The following PALLD variants were observed in gnomAD, a reference collection of about 807,000 sequenced individuals.
The protein encoded by PALLD is palladin, cytoskeletal associated protein.
A neutral mutation model predicts 123.5 loss-of-function variants in PALLD; 61 were observed. The ratio of observed to expected loss-of-function variants is 0.49; its 90% CI spans 0.40 to 0.61. The LOEUF is 0.61. PALLD is among the 20% of genes least tolerant of loss of function. PALLD has a pLI of 0.00. For missense variants in PALLD, 1,273 were observed against 1,377.0 expected (o/e 0.92, Z 1.20); for synonymous variants, 465 against 496.4 (o/e 0.94, Z 0.84).
intron 16 of PALLD, among the ~76,000 whole-genome samples, chr4:168,915,251 C>T (rs1213237698): frequency 6.6e-6 from 1 of 152,148 alleles, no homozygotes; most frequent in Admixed American, 6.5e-5. Flanking sequence ...TTGTATTCAA[C>T]ATCTTTTAAG....
intron 6 of PALLD, among the ~76,000 whole-genome samples, chr4:168,689,912 A>G (rs917848128): frequency 1.3e-5 from 2 of 152,236 alleles, no homozygotes; most frequent in Non-Finnish European, 2.9e-5. Flanking sequence ...CTTTGTATCT[A>G]TAAAACCAAA....
chr4:168,886,526 T>C (rs1753355172), intron 10 of PALLD, among the ~76,000 whole-genome samples: 1 of 152,098 alleles, frequency 6.6e-6, no homozygotes, highest in Non-Finnish European at 1.5e-5. Context: ...TTATGGTCCC[T>C]GCTACTTGGA....
At chr4:168,759,177 C>A (rs1234597578) in intron 10 of PALLD, among the ~76,000 whole-genome samples, 2 of 13,452 alleles carry the variant, frequency 1.5e-4, no homozygotes, top group South Asian at 3.7e-3. Context: ...GAGACTCCAT[C>A]TCAAAAAAAA....
chr4:168,927,542 T>C lies in PALLD; in HGVS notation c.*1362T>C. On this transcript the variant is annotated 3_prime_UTR_variant, in exon 22 of 22. Transcript: ENST00000505667. Reference sequence around the variant, plus strand: ...AAATTGCCTGTAGCATCTAGTCTACTTGAAGGAAGTGGAGACATAAGGAGA... The same window carrying C: ...AAATTGCCTGTAGCATCTAGTCTACCTGAAGGAAGTGGAGACATAAGGAGA... 4.3e-6 allele frequency: 1 copy of C among 231,112 alleles called. No homozygotes were observed. Among genetic ancestry groups the C allele is most frequent in the Non-Finnish European group, 8.6e-6 (1 of 116,638 alleles). The allele number at this position is 231,112 out of a possible 1,614,324, so 14.3% of individuals were successfully genotyped here.
intron 3 of PALLD, among the ~76,000 whole-genome samples, chr4:168,680,355 G>A (rs1269841568): frequency 6.6e-6 from 1 of 151,266 alleles, no homozygotes; most frequent in Non-Finnish European, 1.5e-5. Context: ...GGGCGAGGTG[G>A]CACATGCCTG....
intron 10 of PALLD, among the ~76,000 whole-genome samples, chr4:168,720,003 A>G (rs1785831774): frequency 6.6e-6 from 1 of 152,108 alleles, no homozygotes; most frequent in Admixed American, 6.5e-5. Context: ...GGTTGATTCC[A>G]TGTCTGTGCT....
intron 17 of PALLD, 87 bp downstream of exon 17, chr4:168,916,114 A>C: frequency 1.5e-6 from 2 of 1,306,946 alleles, no homozygotes; most frequent in Non-Finnish European, 2.2e-6. Flanking sequence ...GGGAAATTAC[A>C]TAAAGTATAA....
At position 168,925,055 on chromosome 4, in the gene PALLD, G is replaced by C. The variant is rs754236496; in HGVS notation, c.3335G>C (p.Cys1112Ser). 1.2e-6 allele frequency: 2 copies of C among 1,614,054 alleles called. No individual in the cohort carries two copies. The highest frequency in any genetic ancestry group is 1.7e-6 in the Non-Finnish European group (2 of 1,179,974). The change falls in exon 20 of 22, where the codon TGT (cysteine) becomes TCT (serine). Residue 1112 changes from cysteine to serine, a missense_variant. Cys to Ser is a moderately radical substitution (Grantham distance 112). This residue lies in a region of PALLD where 329 missense variants were observed against 422.5 expected (regional missense o/e 0.78). Coordinates refer to ENST00000505667, the MANE Select transcript of PALLD (RefSeq NM_001166108.2). ...AAGAATGAAGCAGGGATTGTGTCCT[G>C]TACTGCCAGGCTGGACGTTTACAGT... ...SAKNEAGIVS[C>S]TARLDVYISR...
At chr4:168,883,047 G>A (rs921695434) in intron 10 of PALLD, among the ~76,000 whole-genome samples, 5 of 148,282 alleles carry the variant, frequency 3.4e-5, no homozygotes, top group Non-Finnish European at 7.4e-5. Context: ...CTGAGATTGC[G>A]CCATTGCATT....
intron 10 of PALLD, among the ~76,000 whole-genome samples, chr4:168,878,832 C>A (rs927251042): frequency 6.6e-6 from 1 of 152,172 alleles, no homozygotes; most frequent in South Asian, 2.1e-4. Context: ...CCCAGGGTCA[C>A]ATAGCCACTA....
At chr4:168,651,593 C>G (rs558183565) in intron 2 of PALLD, among the ~76,000 whole-genome samples, 2 of 151,910 alleles carry the variant, frequency 1.3e-5, no homozygotes, top group East Asian at 3.9e-4. Context: ...TTTTCCCCCC[C>G]GCAAGGTTAG....
chr4:168,595,350 T>A (rs1771870574), intron 2 of PALLD, among the ~76,000 whole-genome samples: 1 of 152,162 alleles, frequency 6.6e-6, no homozygotes, highest in Non-Finnish European at 1.5e-5. Flanking sequence ...CACAGTGATC[T>A]ACTGAGATCT....
intron 8 of PALLD, among the ~76,000 whole-genome samples, chr4:168,708,057 G>A (rs1784387911): frequency 1.3e-5 from 2 of 152,158 alleles, no homozygotes; most frequent in Non-Finnish European, 2.9e-5. Flanking sequence ...ACCCCAGCTT[G>A]CTTTGAATCC....
In PALLD at chr4:168,927,201, TGGAAGGAGTA is replaced by T. The variant is rs1216917955; in HGVS notation, c.*1024_*1033del. On this transcript the variant is annotated 3_prime_UTR_variant, in exon 22 of 22. Transcript: ENST00000505667. ...ATAGTATTTGGAGGAATCAGGGGTT[TGGAAGGAGTA>T]GGGAGGAGAATGAAGGAAAATGCAA... 2 of 230,788 alleles carry T rather than the reference TGGAAGGAGTA, an allele frequency of 8.7e-6. No homozygotes were observed. Among genetic ancestry groups the T allele is most frequent in the African/African-American group, 4.4e-5 (2 of 45,184 alleles). The allele number at this position is 230,788 out of a possible 1,614,324, so 14.3% of individuals were successfully genotyped here.
At chr4:168,607,120 G>A (rs1773260464) in intron 2 of PALLD, among the ~76,000 whole-genome samples, 1 of 152,118 alleles carries the variant, frequency 6.6e-6, no homozygotes, top group Non-Finnish European at 1.5e-5. Flanking sequence ...ATTATATATA[G>A]GTGCTTGCAA....
rs548244984 is a variant in PALLD at position 168,539,456 on chromosome 4, C to T, written c.908+27044C>T. 3.9e-5 allele frequency among the ~76,000 whole-genome samples: 6 copies of T among 152,092 alleles called. No homozygotes were observed. The East Asian group carries it at 9.7e-4, about 25-fold the overall frequency. On this transcript the variant is annotated intron_variant, in intron 2 of 21. Transcript: ENST00000505667. ...TACAAAAATTAGCCACCCGTGGTGG[C>T]GCACCCCTGTAATCCCAGCTACTCA...
intron 2 of PALLD, among the ~76,000 whole-genome samples, chr4:168,562,667 G>T (rs562718955): frequency 2.0e-5 from 3 of 152,196 alleles, no homozygotes; most frequent in African/African-American, 7.2e-5. Flanking sequence ...GTAGAGAAAG[G>T]CACTGAAATG....
chr4:168,851,485 G>A (rs1174387421), intron 10 of PALLD, among the ~76,000 whole-genome samples: 3 of 151,862 alleles, frequency 2.0e-5, no homozygotes, highest in South Asian at 4.2e-4. Flanking sequence ...CTCATGCTTC[G>A]GCCTCCCTAG....
At chr4:168,628,921 T>C (rs940648639) in intron 2 of PALLD, among the ~76,000 whole-genome samples, 3 of 152,072 alleles carry the variant, frequency 2.0e-5, no homozygotes, top group Non-Finnish European at 4.4e-5. Context: ...TCCAAACAAA[T>C]GAATTAATGA....
Sources: gnomAD v4.1 joint callset for allele counts (sites outside exome capture counted in the v4.1 genomes callset) on GRCh38, gnomAD v4.1.1 for gene constraint, gnomAD v4.1.1 regional missense constraint, MANE v1.5 for transcripts, NCBI Gene and HGNC (gene_info 2026-07-23, HGNC 2026-07-21) for gene names.